Variants in HIC2 observed in about 807,000 individuals in gnomAD.
The protein encoded by HIC2 is hypermethylated in cancer 2 protein.
A neutral mutation model predicts 39.5 loss-of-function variants in HIC2; 2 were observed. The ratio of observed to expected loss-of-function variants is 0.05; its 90% CI spans 0.02 to 0.16. The LOEUF is 0.16. Ranked by LOEUF, HIC2 falls within the 10% of genes least tolerant of loss-of-function variation. The pLI, the probability that HIC2 is intolerant of heterozygous loss-of-function variation, is 1.00. For synonymous variants in HIC2, 399 were observed against 368.8 expected (o/e 1.08, Z -0.94); for missense variants, 713 against 863.5 (o/e 0.83, Z 2.18).
At chr22:21,417,584 G>GGGGGCGC (rs1449915095) in intron 1 of HIC2, 24 bp downstream of exon 1, 9 of 147,644 alleles carry the variant, frequency 6.1e-5, no homozygotes, top group Non-Finnish European at 9.1e-5. Flanking sequence ...TTGTGGGGCG[G>GGGGGCGC]GGGGCGCGGG....
At position 21,450,684 on chromosome 22, in the gene HIC2, CCA is replaced by C. The variant is rs1568948254; in HGVS notation, c.*3942_*3943del. The stretch of plus-strand genomic sequence containing the variant: ...AAAGGGACCAAGGTCCTCCTATTTC[CCA>C]GAACCCCGTTGGGGCAGATGTTACT... On this transcript the variant is annotated 3_prime_UTR_variant, in exon 3 of 3. Transcript: ENST00000407464. 1 of 152,818 alleles carries C rather than the reference CCA, an allele frequency of 6.5e-6. No individual in the cohort carries two copies. Among genetic ancestry groups the C allele is most frequent in the Non-Finnish European group, 1.5e-5 (1 of 68,066 alleles). The allele number at this position is 152,818 out of a possible 1,614,324, so 9.5% of individuals were successfully genotyped here.
chr22:21,421,651 C>G (rs1923076429), intron 1 of HIC2, among the ~76,000 whole-genome samples: 1 of 97,770 alleles, frequency 1.0e-5, no homozygotes, highest in Non-Finnish European at 2.9e-5. Context: ...GATGGGTCAG[C>G]TAGGTGCCTC....
rs369915364 is a variant in HIC2 at position 21,450,410 on chromosome 22, A to G, written c.*3667A>G. 1.3e-5 allele frequency: 2 copies of G among 152,562 alleles called. No individual in the cohort carries two copies. The highest frequency in any genetic ancestry group is 3.8e-4 in the East Asian group (2 of 5,286). The allele number at this position is 152,562 out of a possible 1,614,324, so 9.5% of individuals were successfully genotyped here. A position where few individuals can be genotyped will look rare whatever the true frequency, so the allele number is the denominator to read the frequency against. ...CTCGGGGGCACCGGGCCGCCCACCCACTCCCAAAATCCGTCAGTATTCACT... is the reference window on the plus strand; with the variant it reads ...CTCGGGGGCACCGGGCCGCCCACCCGCTCCCAAAATCCGTCAGTATTCACT... On this transcript the variant is annotated 3_prime_UTR_variant, in exon 3 of 3. Transcript: ENST00000407464.
rs1338868968 is a variant in HIC2, at chr22:21,446,101, C to T, written c.1206C>T (p.Gly402=). The change falls in exon 3 of 3, where the codon GGC becomes GGT. Residue 402 remains glycine, a synonymous_variant. Coordinates refer to ENST00000407464, the MANE Select transcript of HIC2 (RefSeq NM_015094.3). ...CCTGCAAGGAGGAGGAGGAGAACGG[C>T]AAGGATGCAAGTGAAGACAGTGCGC... ...PYPCKEEEEN[G]KDASEDSAQS... 1 of 1,607,856 alleles carries T rather than the reference C, an allele frequency of 6.2e-7. No individual in the cohort carries two copies. Among genetic ancestry groups the T allele is most frequent in the East Asian group, 2.2e-5 (1 of 44,856 alleles).
chr22:21,445,471 C>G lies in HIC2; in HGVS notation c.576C>G (p.Pro192=), dbSNP rs970061414. ...RKGAHAPQEL[P]QAKGSDDELF... ...GGGCCCACGCCCCCCAGGAGCTCCC[C>G]CAAGCCAAAGGCTCAGACGATGAAC... The change falls in exon 3 of 3, where the codon CCC becomes CCG. Residue 192 remains proline, a synonymous_variant. Transcript: ENST00000407464. 24 of 1,555,820 alleles carry G rather than the reference C, an allele frequency of 1.5e-5. No homozygotes were observed. Among genetic ancestry groups the G allele is most frequent in the Non-Finnish European group, 1.9e-5 (22 of 1,156,274 alleles).
rs759468988 is a variant in HIC2, at chr22:21,445,252, C to T, written c.357C>T (p.Leu119=). ...CAGCCGAGCCCAACTTCAGCACCCT[C>T]CTCACTGCCGCCAGCTACCTCCAGC... is the stretch of plus-strand genomic sequence containing the variant. ...DQPAEPNFST[L]LTAASYLQLP... is the part of the protein sequence containing the mutation. The change falls in exon 3 of 3, where the codon CTC becomes CTT. Residue 119 remains leucine, a synonymous_variant. Transcript: ENST00000407464. The T allele has an allele frequency of 1.2e-6, 2 of 1,612,938 alleles. No homozygotes were observed. The highest frequency in any genetic ancestry group is 1.3e-5 in the African/African-American group (1 of 74,946).
rs1452524475 is a variant in HIC2, at chr22:21,445,647, A to G, written c.752A>G (p.Lys251Arg). The part of the protein sequence containing the change: ...CEQELGLDLS[K>R]KSPPLPPATP... ...CAGGAGCTGGGCTTGGACCTGTCCA[A>G]GAAAAGCCCACCCTTGCCCCCTGCC... The change falls in exon 3 of 3, where the codon AAG (lysine) becomes AGG (arginine). Residue 251 changes from lysine to arginine, a missense_variant. Physicochemically the swap from Lys to Arg is conservative, Grantham distance 26. This residue lies in a region of HIC2 where 457 missense variants were observed against 420.2 expected (regional missense o/e 1.09). Coordinates refer to ENST00000407464, the MANE Select transcript of HIC2 (RefSeq NM_015094.3). 1.3e-6 allele frequency: 2 copies of G among 1,599,808 alleles called. No individual in the cohort carries two copies. The highest frequency in any genetic ancestry group is 1.7e-5 in the Admixed American group (1 of 57,456).
Position 21,445,797 on chromosome 22 carries a change from C to T in HIC2, c.902C>T (p.Thr301Ile), listed in dbSNP as rs1345309795. 5 of 1,597,662 alleles carry T rather than the reference C, an allele frequency of 3.1e-6. No homozygotes were observed. The highest frequency in any genetic ancestry group is 1.1e-5 in the South Asian group (1 of 89,262). Residue 301 changes from threonine (T) to isoleucine (I), a missense_variant, in exon 3 of 3, where the codon ACC (threonine) becomes ATC (isoleucine). Thr to Ile is a moderately conservative substitution (Grantham distance 89). Around this residue, in one of 5 missense-constraint regions of HIC2, gnomAD observed 457 missense variants for 420.2 expected, o/e 1.09. Transcript: ENST00000407464. ...NSASYSELGG[T>I]PDEPMDLEGA... ...GCCTCTTATTCTGAGCTGGGGGGCA[C>T]CCCTGATGAGCCCATGGATCTGGAG...
intron 1 of HIC2, 150 bp downstream of exon 1, chr22:21,417,710 G>C (rs1922929444): frequency 2.1e-5 from 3 of 145,490 alleles, no homozygotes; most frequent in African/African-American, 7.5e-5. Flanking sequence ...AGCGTCTGGC[G>C]GGCCTGGGCT....
chr22:21,446,167 C>G lies in HIC2; in HGVS notation c.1272C>G (p.His424Gln). The G allele has an allele frequency of 1.2e-6, 2 of 1,610,160 alleles. No homozygotes were observed. Among genetic ancestry groups the G allele is most frequent in the Non-Finnish European group, 1.7e-6 (2 of 1,179,954 alleles). ...GGGGCAGCGGCCATGCCAGCGCCCA[C>G]TACATGTACCGGCAGGAGGGCTACG... ...SEGGSGHASA[H>Q]YMYRQEGYET... Residue 424 changes from histidine (H) to glutamine (Q), a missense_variant, in exon 3 of 3, where the codon CAC (histidine) becomes CAG (glutamine). Physicochemically the swap from His to Gln is conservative, Grantham distance 24 (BLOSUM62 0). Transcript: ENST00000407464.
At chr22:21,421,601 G>C (rs1923074495) in intron 1 of HIC2, among the ~76,000 whole-genome samples, 1 of 88,526 alleles carries the variant, frequency 1.1e-5, no homozygotes, top group Admixed American at 1.0e-4. Context: ...TGTTAGAACA[G>C]GGGGACTTGG....
At chr22:21,444,428 G>A (rs5997941) in intron 2 of HIC2, among the ~76,000 whole-genome samples, 2,143 of 152,354 alleles carry the variant, frequency 0.014, 54 homozygotes, top group African/African-American at 0.049. Context: ...GTTTGATTTG[G>A]GCCCTGCCGT....
chr22:21,444,356 A>G (rs1923685009), intron 2 of HIC2, among the ~76,000 whole-genome samples: 2 of 152,174 alleles, frequency 1.3e-5, no homozygotes, highest in Admixed American at 1.3e-4. Context: ...GGCCTTGGGG[A>G]GAGGCAGGGC....
chr22:21,448,826 G>A lies in HIC2; in HGVS notation c.*2083G>A, dbSNP rs1159450672. 1.3e-5 allele frequency: 2 copies of A among 152,752 alleles called. No individual in the cohort carries two copies. Among genetic ancestry groups the A allele is most frequent in the South Asian group, 2.1e-4 (1 of 4,828 alleles). The allele number at this position is 152,752 out of a possible 1,614,324, so 9.5% of individuals were successfully genotyped here. On this transcript the variant is annotated 3_prime_UTR_variant, in exon 3 of 3. Transcript: ENST00000407464. ...CCAGCAAGTCAGGCTAGGGACCTGG[G>A]GGGAGGAGACCCATGGACTTCACCC...
In HIC2 at chr22:21,450,078, C is replaced by T. The variant is rs1177055376; in HGVS notation, c.*3335C>T. The T allele has an allele frequency of 2.0e-5, 3 of 152,812 alleles. No homozygotes were observed. The highest frequency in any genetic ancestry group is 2.0e-4 in the Admixed American group (3 of 15,292). 9.5% of individuals were successfully genotyped at this position (152,812 alleles called of 1,614,324 possible). ...TACCAACATAGACGGTGCAAACACT[C>T]TTAACAGTGTTGTTTTTGTATCAAT... On this transcript the variant is annotated 3_prime_UTR_variant, in exon 3 of 3. Coordinates refer to ENST00000407464, the MANE Select transcript of HIC2 (RefSeq NM_015094.3).
At chr22:21,443,920 C>T (rs550314910) in intron 2 of HIC2, among the ~76,000 whole-genome samples, 7 of 152,336 alleles carry the variant, frequency 4.6e-5, no homozygotes, top group East Asian at 3.9e-4. Flanking sequence ...CTCCTCCCCC[C>T]GGCGTCTATC....
chr22:21,431,744 G>A (rs1923318729), intron 1 of HIC2, among the ~76,000 whole-genome samples: 1 of 50,876 alleles, frequency 2.0e-5, no homozygotes, highest in East Asian at 1.0e-3. Context: ...ATTTTGGAAG[G>A]CTGAGGCAGG....
chr22:21,445,583 T>A lies in HIC2; in HGVS notation c.688T>A (p.Cys230Ser). Residue 230 changes from cysteine to serine, a missense_variant, in exon 3 of 3, where the codon TGC (cysteine) becomes AGC (serine). By Grantham distance (112) the Cys-to-Ser change is moderately radical. Coordinates refer to ENST00000407464, the MANE Select transcript of HIC2 (RefSeq NM_015094.3). ...TGGCGGGGAGGCGGGTCTGGGGGGC[T>A]GCAGCAGCAGCACCAACGGGAGCAG... ...PAGGEAGLGG[C>S]SSSTNGSSGG... 1 of 1,586,428 alleles carries A rather than the reference T, an allele frequency of 6.3e-7. No individual in the cohort carries two copies. The highest frequency in any genetic ancestry group is 1.7e-4 in the Middle Eastern group (1 of 5,888).
rs1923979428 is a variant in HIC2 at position 21,448,432 on chromosome 22, GCT to G, written c.*1693_*1694del. 6.5e-6 allele frequency: 1 copy of G among 152,798 alleles called. No individual in the cohort carries two copies. The highest frequency in any genetic ancestry group is 1.5e-5 in the Non-Finnish European group (1 of 68,042). 9.5% of individuals were successfully genotyped at this position (152,798 alleles called of 1,614,324 possible). A position where few individuals can be genotyped will look rare whatever the true frequency, so the allele number is the denominator to read the frequency against. On this transcript the variant is annotated 3_prime_UTR_variant, in exon 3 of 3. Coordinates refer to ENST00000407464, the MANE Select transcript of HIC2 (RefSeq NM_015094.3). ...GATACTTCTGTGGGCCCTGAAGTGG[GCT>G]CTCAAGGTCAGACCAAGGTTGCTGA...
Sources: allele counts gnomAD v4.1 joint callset (sites outside exome capture counted in the v4.1 genomes callset), GRCh38; gene constraint gnomAD v4.1.1; regional missense constraint gnomAD v4.1.1; transcripts MANE v1.5; gene names NCBI Gene and HGNC (gene_info 2026-07-23, HGNC 2026-07-21).